EXOC6B: variants seen among roughly 807,000 people sequenced by gnomAD.
EXOC6B encodes the protein SEC15 homolog B.
A neutral mutation model predicts 113.5 loss-of-function variants in EXOC6B; 54 were observed. The ratio of observed to expected loss-of-function variants is 0.48; its 90% confidence interval spans 0.38 to 0.60. The LOEUF is 0.60. Ranked by LOEUF, EXOC6B falls within the 20% of genes least tolerant of loss-of-function variation. EXOC6B has a pLI of 0.00. For missense variants in EXOC6B, 797 were observed against 977.5 expected (o/e 0.82, Z 2.46); for synonymous variants, 357 against 339.0 (o/e 1.05, Z -0.58).
At chr2:72,336,822 C>G (rs1441596885) in intron 19 of EXOC6B, among the ~76,000 whole-genome samples, 2 of 151,984 alleles carry the variant, frequency 1.3e-5, no homozygotes, top group Admixed American at 1.3e-4. Flanking sequence ...GCCTGACTAA[C>G]GTGGTGAAAT....
At position 72,273,602 on chromosome 2, in the gene EXOC6B, G is replaced by A. The variant is rs1684638640; in HGVS notation, c.2196+61345C>T. On this transcript the variant is annotated intron_variant, in intron 20 of 21. Transcript: ENST00000272427. The stretch of plus-strand genomic sequence containing the variant: ...AATCTTAAAAGTTGAGTAAATGTTT[G>A]CCAGAGAAATAAGTGCCTAAAGGGA... 2.0e-5 allele frequency among the ~76,000 whole-genome samples: 3 copies of A among 152,098 alleles called. No individual in the cohort carries two copies. The South Asian group carries it at 6.2e-4, about 31-fold the overall frequency.
At chr2:72,611,785 G>T (rs968593746) in intron 6 of EXOC6B, among the ~76,000 whole-genome samples, 7 of 152,034 alleles carry the variant, frequency 4.6e-5, no homozygotes, top group African/African-American at 1.7e-4. Flanking sequence ...ACTACATCAT[G>T]GGACATAGTT....
intron 18 of EXOC6B, among the ~76,000 whole-genome samples, chr2:72,397,001 T>C (rs950652181): frequency 3.3e-5 from 5 of 151,512 alleles, no homozygotes; most frequent in African/African-American, 7.3e-5. Context: ...ATTTTCAAAA[T>C]ATGTTGCCTT....
chr2:72,806,394 G>A (rs747596028), intron 1 of EXOC6B, among the ~76,000 whole-genome samples: 21 of 152,164 alleles, frequency 1.4e-4, no homozygotes, highest in Admixed American at 6.5e-4. Flanking sequence ...GGTCCATGGT[G>A]TACATGTACC....
At chr2:72,727,216 A>G (rs368846971) in intron 5 of EXOC6B, among the ~76,000 whole-genome samples, 5 of 152,308 alleles carry the variant, frequency 3.3e-5, no homozygotes, top group African/African-American at 1.2e-4. Context: ...AGGAACAAAG[A>G]ACAGGTAGGA....
chr2:72,581,372 A>G (rs1377181078), intron 6 of EXOC6B, among the ~76,000 whole-genome samples: 2 of 152,216 alleles, frequency 1.3e-5, no homozygotes, highest in Non-Finnish European at 2.9e-5. Flanking sequence ...GACCATCTTC[A>G]GATAATCTCA....
intron 6 of EXOC6B, among the ~76,000 whole-genome samples, chr2:72,590,141 T>C (rs1705840956): frequency 6.6e-6 from 1 of 152,014 alleles, no homozygotes; most frequent in African/African-American, 2.4e-5. Context: ...TCACTGGCTA[T>C]ATAAGTTGCT....
At chr2:72,211,428 T>A (rs150346378) in intron 20 of EXOC6B, among the ~76,000 whole-genome samples, 2,237 of 152,308 alleles carry the variant, frequency 0.015, 20 homozygotes, top group Non-Finnish European at 0.023. Context: ...AAGTCTGGTA[T>A]AAGCTCAGGA....
chr2:72,353,441 G>A (rs1237614263), intron 19 of EXOC6B, among the ~76,000 whole-genome samples: 5 of 147,498 alleles, frequency 3.4e-5, no homozygotes, highest in Admixed American at 6.7e-5. Context: ...GCACCATCTC[G>A]GCTCACTGCA....
At chr2:72,512,891 TAGAG>T (rs1285395635) in intron 11 of EXOC6B, among the ~76,000 whole-genome samples, 2 of 152,026 alleles carry the variant, frequency 1.3e-5, no homozygotes, top group Admixed American at 6.6e-5. Flanking sequence ...GTCTGACACA[TAGAG>T]AGAATAATCA....
At chr2:72,246,119 T>C (rs1422604581) in intron 20 of EXOC6B, among the ~76,000 whole-genome samples, 2 of 152,232 alleles carry the variant, frequency 1.3e-5, no homozygotes, top group East Asian at 1.9e-4. Flanking sequence ...GAACTCTTAA[T>C]CTCAAGCAAT....
chr2:72,587,062 G>T (rs1029740638), intron 6 of EXOC6B, among the ~76,000 whole-genome samples: 1 of 152,104 alleles, frequency 6.6e-6, no homozygotes, highest in Admixed American at 6.6e-5. Context: ...CCATTATTGG[G>T]TATATATCCA....
At chr2:72,384,304 A>T (rs1047252270) in intron 18 of EXOC6B, among the ~76,000 whole-genome samples, 1 of 151,996 alleles carries the variant, frequency 6.6e-6, no homozygotes, top group Admixed American at 6.6e-5. Flanking sequence ...ATTTGAAAAA[A>T]CTCAGCCTCC....
chr2:72,569,401 A>T (rs1704391803), intron 7 of EXOC6B, among the ~76,000 whole-genome samples: 1 of 152,008 alleles, frequency 6.6e-6, no homozygotes, highest in Non-Finnish European at 1.5e-5. Context: ...TTGGATAGAC[A>T]CCCAATATAA....
intron 6 of EXOC6B, among the ~76,000 whole-genome samples, chr2:72,578,613 A>G (rs1705019562): frequency 6.6e-6 from 1 of 152,116 alleles, no homozygotes; most frequent in South Asian, 2.1e-4. Flanking sequence ...ACACGTGTTA[A>G]AAGTCTACAT....
chr2:72,529,309 C>A (rs1420836526), intron 8 of EXOC6B, among the ~76,000 whole-genome samples: 3 of 152,158 alleles, frequency 2.0e-5, no homozygotes, highest in African/African-American at 7.2e-5. Flanking sequence ...CTTTACACAT[C>A]CCTGAAATAA....
chr2:72,315,441 T>G (rs1017215863), intron 20 of EXOC6B, among the ~76,000 whole-genome samples: 1 of 152,076 alleles, frequency 6.6e-6, no homozygotes, highest in Admixed American at 6.6e-5. Flanking sequence ...CTGTGGGATT[T>G]TAGGAAGAGG....
chr2:72,781,450 G>A (rs1055119891), intron 1 of EXOC6B, among the ~76,000 whole-genome samples: 2 of 152,156 alleles, frequency 1.3e-5, no homozygotes, highest in African/African-American at 2.4e-5. Flanking sequence ...ATTATCTAGA[G>A]TCAGTAAGCT....
intron 20 of EXOC6B, among the ~76,000 whole-genome samples, chr2:72,190,443 T>C (rs770386164): frequency 1.3e-5 from 2 of 152,212 alleles, no homozygotes; most frequent in Non-Finnish European, 2.9e-5. Context: ...ATTTTCATTA[T>C]TAATTTTGGG....
Sources: allele counts gnomAD v4.1 joint callset (sites outside exome capture counted in the v4.1 genomes callset), GRCh38; gene constraint gnomAD v4.1.1; transcripts MANE v1.5; gene names NCBI Gene and HGNC (gene_info 2026-07-23, HGNC 2026-07-21).